The following CAMKMT variants were observed in gnomAD, a reference collection of about 807,000 sequenced individuals.
CAMKMT encodes the protein calmodulin-lysine N-methyltransferase, also known as CaM KMT.
CAMKMT carries 53 observed loss-of-function variants against 48.0 expected under a neutral mutation model. That is an observed-to-expected ratio of 1.10 (90% CI 0.89 to 1.39). The LOEUF (loss-of-function observed/expected upper bound fraction) is 1.39, where lower values mean the gene tolerates loss of function less well. CAMKMT is among the 40% of genes most tolerant of loss of function. CAMKMT has a pLI of 0.00. For missense variants in CAMKMT, 428 were observed against 402.7 expected (o/e 1.06, Z -0.54); for synonymous variants, 165 against 152.3 (o/e 1.08, Z -0.61).
At chr2:44,628,670 C>G (rs1483354522) in intron 3 of CAMKMT, among the ~76,000 whole-genome samples, 1 of 151,956 alleles carries the variant, frequency 6.6e-6, no homozygotes, top group Non-Finnish European at 1.5e-5. Context: ...TTCAAAGCTG[C>G]AAATTGACCC....
chr2:44,402,106 CA>C (rs1324677983), intron 3 of CAMKMT, among the ~76,000 whole-genome samples: 1 of 152,138 alleles, frequency 6.6e-6, no homozygotes, highest in Non-Finnish European at 1.5e-5. Flanking sequence ...GCGGGTGGAT[CA>C]CCTGAGGTTG....
At chr2:44,688,466 T>C (rs550145871) in intron 3 of CAMKMT, among the ~76,000 whole-genome samples, 25 of 151,372 alleles carry the variant, frequency 1.7e-4, no homozygotes, top group African/African-American at 5.8e-4. Flanking sequence ...CAGCCAGCTC[T>C]CATACATATA....
intron 3 of CAMKMT, among the ~76,000 whole-genome samples, chr2:44,652,757 G>A (rs1192731749): frequency 6.6e-6 from 1 of 152,214 alleles, no homozygotes; most frequent in Non-Finnish European, 1.5e-5. Context: ...ATGATGGAAA[G>A]GAGTTAATCC....
Position 44,410,700 on chromosome 2 carries a change from T to C in CAMKMT, c.376+20395T>C, listed in dbSNP as rs533024400. ...TCTTTAATATGCTAAAAGACGGATA[T>C]AGTAATTTGGAGAAATAACTTCATT... On this transcript the variant is annotated intron_variant, in intron 3 of 10. Transcript: ENST00000378494. Among the ~76,000 whole-genome samples the C allele has an allele frequency of 1.1e-4, 16 of 152,270 alleles. No individual in the cohort carries two copies. The Middle Eastern group carries it at 0.014, about 129-fold the overall frequency.
chr2:44,420,613 G>A (rs575966130), intron 3 of CAMKMT, among the ~76,000 whole-genome samples: 1 of 151,750 alleles, frequency 6.6e-6, no homozygotes, highest in African/African-American at 2.4e-5. Flanking sequence ...AACTGTCCAG[G>A]AGTCAACTGT....
At chr2:44,732,992 T>C (rs1276164164) in intron 7 of CAMKMT, among the ~76,000 whole-genome samples, 1 of 152,218 alleles carries the variant, frequency 6.6e-6, no homozygotes, top group Non-Finnish European at 1.5e-5. Flanking sequence ...CTAAGAAATC[T>C]TTACCTAACT....
intron 2 of CAMKMT, among the ~76,000 whole-genome samples, chr2:44,387,838 GT>G (rs1680925497): frequency 6.6e-6 from 1 of 152,130 alleles, no homozygotes; most frequent in African/African-American, 2.4e-5. Flanking sequence ...GCTGACAATT[GT>G]TTTGTTTGTT....
chr2:44,624,196 A>G (rs1307842732), intron 3 of CAMKMT, among the ~76,000 whole-genome samples: 4 of 152,180 alleles, frequency 2.6e-5, no homozygotes, highest in East Asian at 1.9e-4. Flanking sequence ...GCTGGAAGCT[A>G]TTGTGAATCA....
intron 2 of CAMKMT, among the ~76,000 whole-genome samples, chr2:44,385,199 C>G (rs1438728270): frequency 6.6e-6 from 1 of 151,432 alleles, no homozygotes; most frequent in Admixed American, 6.6e-5. Context: ...CTTTTGACGT[C>G]TTGGTTAGGT....
At chr2:44,420,425 T>C (rs981903645) in intron 3 of CAMKMT, among the ~76,000 whole-genome samples, 5 of 152,144 alleles carry the variant, frequency 3.3e-5, no homozygotes, top group African/African-American at 1.2e-4. Flanking sequence ...ATGCAGGGGT[T>C]AGGAGTGCTG....
Position 44,429,395 on chromosome 2 carries a change from G to T in CAMKMT, c.376+39090G>T, listed in dbSNP as rs1211620940. ...TATATTCCTACTACTGTTTCGGTTT[G>T]TTCAATCTGAAATAGCCCTAGCTGG... is the stretch of plus-strand genomic sequence containing the variant. On this transcript the variant is annotated intron_variant, in intron 3 of 10. Transcript: ENST00000378494. Among the ~76,000 whole-genome samples, 6 of 151,934 alleles carry T rather than the reference G, an allele frequency of 3.9e-5. No homozygotes were observed. In the East Asian group the frequency reaches 1.2e-3, roughly 29 times the overall value.
intron 3 of CAMKMT, among the ~76,000 whole-genome samples, chr2:44,397,438 T>G (rs1681956222): frequency 6.6e-6 from 1 of 152,226 alleles, no homozygotes; most frequent in African/African-American, 2.4e-5. Flanking sequence ...AGTCCCTCTT[T>G]AGCATCGTAA....
At chr2:44,405,141 T>C (rs1485616611) in intron 3 of CAMKMT, among the ~76,000 whole-genome samples, 3 of 152,086 alleles carry the variant, frequency 2.0e-5, no homozygotes, top group Non-Finnish European at 4.4e-5. Context: ...AAATACAAGG[T>C]TTAAAAGAGG....
chr2:44,643,978 C>T (rs1022992579), intron 3 of CAMKMT, among the ~76,000 whole-genome samples: 3 of 152,136 alleles, frequency 2.0e-5, no homozygotes, highest in Non-Finnish European at 4.4e-5. Context: ...TGCAGCAATC[C>T]ACTCATATAG....
chr2:44,640,918 G>A (rs1424251349), intron 3 of CAMKMT, among the ~76,000 whole-genome samples: 1 of 152,160 alleles, frequency 6.6e-6, no homozygotes, highest in Admixed American at 6.5e-5. Flanking sequence ...TTGAAATCAT[G>A]AGTTCCATGA....
intron 3 of CAMKMT, among the ~76,000 whole-genome samples, chr2:44,527,785 G>GACCCCCC (rs1553409530): frequency 1.2e-5 from 1 of 84,784 alleles, no homozygotes; most frequent in Non-Finnish European, 2.3e-5. Context: ...CATGTGTACA[G>GACCCCCC]CCCCCCCCCC....
Position 44,766,491 on chromosome 2 carries a change from CTGAAA to C in CAMKMT, c.825_829del (p.Glu276SerfsTer9). 1 of 1,614,092 alleles carries C rather than the reference CTGAAA, an allele frequency of 6.2e-7. No individual in the cohort carries two copies. Among genetic ancestry groups the C allele is most frequent in the Non-Finnish European group, 8.5e-7 (1 of 1,179,968 alleles). On this transcript the variant is annotated frameshift_variant, in exon 10 of 11. Transcript: ENST00000378494. LOFTEE classifies it high-confidence loss of function. ...ACTTTAAACCAGTTTTGCAATCTAG[CTGAAA>C]AAGCTGGTTTCTGTATCCAAAGACA...
At chr2:44,448,492 T>G (rs1053260213) in intron 3 of CAMKMT, among the ~76,000 whole-genome samples, 7 of 152,226 alleles carry the variant, frequency 4.6e-5, no homozygotes, top group Non-Finnish European at 8.8e-5. Context: ...GACATACATA[T>G]ATTTAACTAT....
chr2:44,511,443 C>T (rs2104769706), intron 3 of CAMKMT, among the ~76,000 whole-genome samples: 1 of 152,258 alleles, frequency 6.6e-6, no homozygotes, highest in Middle Eastern at 3.4e-3. Flanking sequence ...TGTGCACTAA[C>T]ACGCCTGGCT....
Sources: allele counts gnomAD v4.1 joint callset (sites outside exome capture counted in the v4.1 genomes callset), GRCh38; gene constraint gnomAD v4.1.1; transcripts MANE v1.5; gene names NCBI Gene and HGNC (gene_info 2026-07-23, HGNC 2026-07-21).